Variants in SLC68A1 observed in about 807,000 individuals in gnomAD.
The protein encoded by SLC68A1 is solute carrier family 68 member 1, also known as major facilitator superfamily domain containing 13A.
At chr10:102,469,458 A>T in the SLC68A1 span, among the ~76,000 whole-genome samples, 1 of 152,052 alleles carries the variant, frequency 6.6e-6, no homozygotes, top group East Asian at 1.9e-4. Context: ...GTTCACGTAT[A>T]TGAATTTATC....
At chr10:102,463,542 A>G in the SLC68A1 span, among the ~76,000 whole-genome samples, 2 of 150,996 alleles carry the variant, frequency 1.3e-5, no homozygotes, top group African/African-American at 4.9e-5. Flanking sequence ...GATAAGGGGG[A>G]AAACGGGAGA....
At chr10:102,471,733 T>G in the SLC68A1 span, among the ~76,000 whole-genome samples, 1 of 150,234 alleles carries the variant, frequency 6.7e-6, no homozygotes, top group Non-Finnish European at 1.5e-5. Flanking sequence ...TACTCCAGTC[T>G]GGGCAACAGA....
At chr10:102,468,973 C>G in the SLC68A1 span, 38 of 1,504,154 alleles carry the variant, frequency 2.5e-5, 1 homozygote, top group African/African-American at 2.2e-4. Context: ...ATGGGAAGAC[C>G]GCCTGTGGCC....
chr10:102,464,554 G>A, the SLC68A1 span, among the ~76,000 whole-genome samples: 3 of 152,026 alleles, frequency 2.0e-5, no homozygotes, highest in Non-Finnish European at 1.5e-5. Context: ...CAGTTTGGGA[G>A]GCCAAGGTGG....
the SLC68A1 span, chr10:102,475,697 G>A: frequency 6.4e-7 from 1 of 1,559,586 alleles, no homozygotes. Flanking sequence ...GCTGACCATG[G>A]TCTTTCTGTG....
the SLC68A1 span, chr10:102,469,828 A>AGC: frequency 1.0e-6 from 1 of 978,448 alleles, no homozygotes; most frequent in Non-Finnish European, 1.2e-6. Flanking sequence ...GTGAGCCACC[A>AGC]GCGCCTGGCC....
the SLC68A1 span, chr10:102,471,955 A>T: frequency 2.2e-6 from 1 of 451,502 alleles, no homozygotes; most frequent in African/African-American, 2.0e-5. Flanking sequence ...TAAAGTGAGG[A>T]TATGAGACAG....
At chr10:102,473,547 T>G in the SLC68A1 span, 1 of 1,571,960 alleles carries the variant, frequency 6.4e-7, no homozygotes, top group Non-Finnish European at 8.6e-7. Flanking sequence ...CTTGACAAGG[T>G]GGCTCCCCGT....
At chr10:102,470,024 AC>A in the SLC68A1 span, 23 of 1,613,136 alleles carry the variant, frequency 1.4e-5, no homozygotes, top group Non-Finnish European at 1.8e-5. Context: ...AGCCTCAATG[AC>A]CCCCTCTTCG....
the SLC68A1 span, among the ~76,000 whole-genome samples, chr10:102,465,112 G>A: frequency 3.3e-5 from 5 of 152,148 alleles, no homozygotes; most frequent in South Asian, 1.0e-3. Flanking sequence ...AAAAAAATTT[G>A]CCGAGTGTGG....
At chr10:102,473,650 CG>C in the SLC68A1 span, 7 of 1,614,062 alleles carry the variant, frequency 4.3e-6, no homozygotes, top group Non-Finnish European at 5.9e-6. Flanking sequence ...CGCGGTGGTG[CG>C]GGGGCTCTTC....
the SLC68A1 span, among the ~76,000 whole-genome samples, chr10:102,463,885 T>G: frequency 6.6e-6 from 1 of 152,048 alleles, no homozygotes; most frequent in Non-Finnish European, 1.5e-5. Context: ...AGGAACAGCA[T>G]GAACAAAAGT....
At chr10:102,473,679 T>TCCTGCTCA in the SLC68A1 span, 2 of 1,614,182 alleles carry the variant, frequency 1.2e-6, no homozygotes, top group Non-Finnish European at 1.7e-6. Context: ...AGCTGGGACT[T>TCCTGCTCA]AGCCTGCTCA....
At chr10:102,476,447 T>C in the SLC68A1 span, 2 of 927,090 alleles carry the variant, frequency 2.2e-6, no homozygotes, top group Non-Finnish European at 2.6e-6. Context: ...TCAAGTGATC[T>C]GCCTGCCTTG....
chr10:102,476,503 C>T, the SLC68A1 span: 3 of 985,806 alleles, frequency 3.0e-6, no homozygotes, highest in Non-Finnish European at 3.6e-6. Flanking sequence ...CCGCACTCGG[C>T]CAGGAGCTAG....
At chr10:102,476,501 G>A in the SLC68A1 span, 21 of 985,684 alleles carry the variant, frequency 2.1e-5, no homozygotes, top group Middle Eastern at 5.2e-4. Context: ...CACCGCACTC[G>A]GCCAGGAGCT....
At chr10:102,472,942 T>A in the SLC68A1 span, 2 of 1,613,436 alleles carry the variant, frequency 1.2e-6, no homozygotes, top group Non-Finnish European at 1.7e-6. Context: ...ACGGGCTCCA[T>A]CCTGTTGGGT....
the SLC68A1 span, chr10:102,468,930 T>G: frequency 1.2e-4 from 121 of 987,668 alleles, no homozygotes; most frequent in Non-Finnish European, 1.6e-4. Context: ...TGATCCCTGT[T>G]GCTCACTGGT....
At chr10:102,467,972 T>C in the SLC68A1 span, among the ~76,000 whole-genome samples, 1 of 152,014 alleles carries the variant, frequency 6.6e-6, no homozygotes, top group South Asian at 2.1e-4. Context: ...TCAGGGTTTT[T>C]ATAAGCATAG....
Sources: gnomAD v4.1 joint callset for allele counts (sites outside exome capture counted in the v4.1 genomes callset) on GRCh38, gnomAD v4.1.1 for gene constraint, MANE v1.5 for transcripts, NCBI Gene and HGNC (gene_info 2026-07-23, HGNC 2026-07-21) for gene names.